The following APC variants were observed in gnomAD, a reference collection of about 807,000 sequenced individuals.
The protein encoded by APC is APC regulator of Wnt signaling pathway.
In APC, 72 loss-of-function variants were observed where a neutral mutation model predicts 247.0. The ratio of observed to expected loss-of-function variants is 0.29; its 90% CI spans 0.24 to 0.35. APC has a LOEUF of 0.35. Among genes scored for constraint, APC ranks in the 10% least tolerant of loss-of-function variants. APC has a pLI of 1.00. For missense variants in APC, 3,400 were observed against 3,360.7 expected (o/e 1.01, Z -0.29); for synonymous variants, 1,254 against 1,162.5 (o/e 1.08, Z -1.60).
chr5:112,747,446 T>C (rs1225284720), intron 1 of APC, among the ~76,000 whole-genome samples: 2 of 152,204 alleles, frequency 1.3e-5, no homozygotes, highest in African/African-American at 2.4e-5. Flanking sequence ...TTGCACTGTT[T>C]ATTACTACTT....
At position 112,752,642 on chromosome 5, in the gene APC, T is replaced by G. The variant is rs114579489; in HGVS notation, c.-18-2231T>G. Among the ~76,000 whole-genome samples the G allele has an allele frequency of 6.1e-3, 927 of 152,314 alleles. 7 individuals carry two copies. Among genetic ancestry groups the G allele is most frequent in the Middle Eastern group, 0.01 (3 of 294 alleles). On this transcript the variant is annotated intron_variant, in intron 1 of 15. Coordinates refer to ENST00000257430, the MANE Select transcript of APC (RefSeq NM_000038.6). ...TTTGAAAAATGTTTTAAAGATATAT[T>G]TGGTATGCAATTCGTGTAATTGCAA...
intron 1 of APC, among the ~76,000 whole-genome samples, chr5:112,745,298 C>T (rs1581089210): frequency 6.6e-6 from 1 of 151,808 alleles, no homozygotes; most frequent in East Asian, 1.9e-4. Context: ...AAAAAGATGA[C>T]TCAAAAAGCC....
chr5:112,775,004 C>G (rs1460553128), intron 4 of APC, among the ~76,000 whole-genome samples: 1 of 152,132 alleles, frequency 6.6e-6, no homozygotes, highest in African/African-American at 2.4e-5. Flanking sequence ...AGTTTTATCC[C>G]TGTAACACTC....
intron 2 of APC, among the ~76,000 whole-genome samples, chr5:112,763,177 C>T (rs1755856594): frequency 6.6e-6 from 1 of 151,902 alleles, no homozygotes; most frequent in African/African-American, 2.4e-5. Context: ...AACTTTATTA[C>T]AAGTTGAGTA....
At chr5:112,812,945 G>A (rs961017568) in intron 8 of APC, among the ~76,000 whole-genome samples, 11 of 152,108 alleles carry the variant, frequency 7.2e-5, no homozygotes, top group Admixed American at 5.9e-4. Context: ...CTTCCCTAAG[G>A]AGGATTACTA....
At chr5:112,707,577 C>A (rs1750579738) in exon 1 of APC, 2 of 879,150 alleles carry the variant, frequency 2.3e-6, no homozygotes, top group Non-Finnish European at 3.2e-6. Context: ...GGAAGCCTAG[C>A]CGCTGCTCGG....
At chr5:112,819,770 T>G (rs1762927587) in intron 10 of APC, among the ~76,000 whole-genome samples, 1 of 152,212 alleles carries the variant, frequency 6.6e-6, no homozygotes, top group South Asian at 2.1e-4. Flanking sequence ...AGAGCAGCGT[T>G]ACATCTGTTA....
Position 112,842,587 on chromosome 5 carries a change from T to G in APC, c.6993T>G (p.Pro2331=). The part of the protein sequence containing the change: ...IQSPGRNSIS[P]GRNGISPPNK... ...CTCCTGGCCGAAACTCAATTTCCCC[T>G]GGTAGAAATGGAATAAGTCCTCCTA... Residue 2331 remains proline (P), a synonymous_variant, in exon 16 of 16, where the codon CCT becomes CCG. Transcript: ENST00000257430. 6.2e-7 allele frequency: 1 copy of G among 1,613,680 alleles called. No individual in the cohort carries two copies. Among genetic ancestry groups the G allele is most frequent in the Non-Finnish European group, 8.5e-7 (1 of 1,179,592 alleles).
intron 8 of APC, among the ~76,000 whole-genome samples, chr5:112,808,509 A>G (rs762197054): frequency 2.4e-4 from 37 of 152,048 alleles, no homozygotes; most frequent in Non-Finnish European, 4.6e-4. Context: ...ACTAGAGTGC[A>G]GTGGCAAAGC....
Position 112,767,044 on chromosome 5 carries a change from G to T in APC, c.221-145G>T, listed in dbSNP as rs942712902. On this transcript the variant is annotated intron_variant, in intron 3 of 15. Coordinates refer to ENST00000257430, the MANE Select transcript of APC (RefSeq NM_000038.6). ...GACCCAAGTGGACTTTTCAGGGAAA[G>T]TCCTAAATAATTTTTGTTTTCAGTC... 1.1e-5 allele frequency: 8 copies of T among 739,910 alleles called. No individual in the cohort carries two copies. In the African/African-American group the frequency reaches 1.2e-4, roughly 11 times the overall value. The allele number at this position is 739,910 out of a possible 1,614,324, so 45.8% of individuals were successfully genotyped here.
upstream of APC, among the ~76,000 whole-genome samples, chr5:112,737,415 C>CT (rs1554063884): frequency 6.6e-6 from 1 of 152,206 alleles, no homozygotes; most frequent in Non-Finnish European, 1.5e-5. Context: ...AGTGATCTAT[C>CT]TAACAAGTCA....
rs1765326937 is a variant in APC at position 112,838,653 on chromosome 5, A to C, written c.3059A>C (p.Glu1020Ala). 6.2e-7 allele frequency: 1 copy of C among 1,614,192 alleles called. No individual in the cohort carries two copies. Among genetic ancestry groups the C allele is most frequent in the Non-Finnish European group, 8.5e-7 (1 of 1,180,040 alleles). ...SANHMDDNDG[E>A]LDTPINYSLK... is the part of the protein sequence containing the mutation. ...AATCATATGGATGATAATGATGGAG[A>C]ACTAGATACACCAATAAATTATAGT... The change falls in exon 16 of 16, where the codon GAA (glutamate) becomes GCA (alanine). Residue 1020 changes from glutamate (E) to alanine (A), a missense_variant. Physicochemically the swap from Glu to Ala is moderately radical, Grantham distance 107. Coordinates refer to ENST00000257430, the MANE Select transcript of APC (RefSeq NM_000038.6).
intron 6 of APC, among the ~76,000 whole-genome samples, chr5:112,789,558 T>C (rs977976017): frequency 5.9e-5 from 9 of 152,164 alleles, no homozygotes; most frequent in Non-Finnish European, 1.0e-4. Context: ...GTGGGAGATA[T>C]AATTTCCTAT....
chr5:112,843,963 C>G lies in APC; in HGVS notation c.8369C>G (p.Pro2790Arg), dbSNP rs774681536. 1 of 1,605,614 alleles carries G rather than the reference C, an allele frequency of 6.2e-7. No individual in the cohort carries two copies. The highest frequency in any genetic ancestry group is 8.5e-7 in the Non-Finnish European group (1 of 1,175,676). Residue 2790 changes from proline (P) to arginine (R), a missense_variant, in exon 16 of 16, where the codon CCT becomes CGT. Around this residue, in one of 9 missense-constraint regions of APC, gnomAD observed 1,788 missense variants for 1,649.5 expected, o/e 1.08. Coordinates refer to ENST00000257430, the MANE Select transcript of APC (RefSeq NM_000038.6). The surrounding 1 kb of genome is among the most constrained non-coding windows in gnomAD (Gnocchi z 4.8). ...ACTCCTTTTAATTACAACCCAAGCC[C>G]TAGGAAAAGCAGCGCAGATAGCACT... ...RVTPFNYNPSPRKSSADSTSA... is the reference protein window; with the variant it reads ...RVTPFNYNPSRRKSSADSTSA...
intron 6 of APC, among the ~76,000 whole-genome samples, chr5:112,783,150 A>G (rs1191294130): frequency 6.6e-6 from 1 of 152,142 alleles, no homozygotes; most frequent in Non-Finnish European, 1.5e-5. Context: ...AGTTGTAAAA[A>G]TTCTTGTGCT....
At chr5:112,826,604 A>G (rs1220394658) in intron 11 of APC, among the ~76,000 whole-genome samples, 3 of 151,298 alleles carry the variant, frequency 2.0e-5, no homozygotes, top group African/African-American at 7.3e-5. Flanking sequence ...AAAAAAAACA[A>G]AACTTTTTAG....
intron 12 of APC, among the ~76,000 whole-genome samples, 179 bp from the exon 13 acceptor site, chr5:112,827,750 G>C (rs1231919420): frequency 6.6e-6 from 1 of 152,166 alleles, no homozygotes; most frequent in Non-Finnish European, 1.5e-5. Context: ...AGATAGCAAA[G>C]AATTAGGAGA....
chr5:112,732,294 T>C (rs1465556315), intron 1 of APC, among the ~76,000 whole-genome samples: 2 of 152,166 alleles, frequency 1.3e-5, no homozygotes, highest in Non-Finnish European at 2.9e-5. Context: ...GCTTGGTGTT[T>C]CTCATCCCTG....
At chr5:112,830,587 C>G (rs1051969232) in intron 14 of APC, among the ~76,000 whole-genome samples, 2 of 151,582 alleles carry the variant, frequency 1.3e-5, no homozygotes, top group Middle Eastern at 3.4e-3. Flanking sequence ...GACACGAAGA[C>G]TTACACACAA....
Sources: gnomAD v4.1 joint callset for allele counts (sites outside exome capture counted in the v4.1 genomes callset) on GRCh38, gnomAD v4.1.1 for gene constraint, gnomAD v4.1.1 regional missense constraint, Gnocchi (gnomAD v3.1) non-coding constraint, MANE v1.5 for transcripts, NCBI Gene and HGNC (gene_info 2026-07-23, HGNC 2026-07-21) for gene names.